Variants in CD8A observed in about 807,000 individuals in gnomAD.
CD8A encodes the protein T-cell surface glycoprotein CD8 alpha chain.
CD8A carries 25 observed loss-of-function variants against 24.2 expected under a neutral mutation model. That is an observed-to-expected ratio of 1.03 (90% CI 0.75 to 1.44). The LOEUF is 1.44. CD8A is among the 40% of genes most tolerant of loss of function. The pLI, the probability that CD8A is intolerant of heterozygous loss-of-function variation, is 0.00. For missense variants in CD8A, 360 were observed against 319.7 expected (o/e 1.13, Z -0.96); for synonymous variants, 165 against 149.9 (o/e 1.10, Z -0.74).
At chr2:86,786,033 G>C (rs1672985648) in intron 5 of CD8A, 62 bp from the exon 6 acceptor site, 3 of 1,269,174 alleles carry the variant, frequency 2.4e-6, no homozygotes, top group African/African-American at 1.5e-5. Context: ...CATCCATCCA[G>C]CCACGTCCAG....
intron 1 of CD8A, 41 bp from the exon 2 acceptor site, chr2:86,790,722 G>GCCCCCCT (rs1336688872): frequency 9.4e-6 from 14 of 1,487,868 alleles, no homozygotes; most frequent in Non-Finnish European, 1.2e-5. Context: ...GCAGTCCCGC[G>GCCCCCCT]CCCCCCGCCC....
At chr2:86,801,926 G>A (rs896033239) in intron 2 of CD8A, among the ~76,000 whole-genome samples, 1 of 152,170 alleles carries the variant, frequency 6.6e-6, no homozygotes, top group Non-Finnish European at 1.5e-5. Flanking sequence ...CCAAAATTAT[G>A]TTTTAAAAAG....
In CD8A at chr2:86,790,720, GCGCCCCC is replaced by G. The variant is rs747917576; in HGVS notation, c.50-46_50-40del. 41 of 1,516,656 alleles carry G rather than the reference GCGCCCCC, an allele frequency of 2.7e-5. 1 individual carries two copies. Among genetic ancestry groups the G allele is most frequent in the South Asian group, 1.7e-4 (14 of 84,240 alleles). The allele number at this position is 1,516,656 out of a possible 1,614,324, so 93.9% of individuals were successfully genotyped here. ...GCAGCGAGGCTGAGCCCGCAGTCCC[GCGCCCCC>G]CGCCCCCCGCCCGCCCCATCCCCTG... On this transcript the variant is annotated intron_variant, in intron 1 of 5. Coordinates refer to ENST00000283635, the MANE Select transcript of CD8A (RefSeq NM_001768.7).
chr2:86,793,811 T>C (rs2104447723), upstream of CD8A, among the ~76,000 whole-genome samples: 1 of 152,286 alleles, frequency 6.6e-6, no homozygotes, highest in South Asian at 2.1e-4. Flanking sequence ...CATCTTAGTC[T>C]CACGGAAATC....
chr2:86,793,878 G>A (rs4366909), upstream of CD8A, among the ~76,000 whole-genome samples: 18,762 of 152,232 alleles, frequency 0.12, 1,319 homozygotes, highest in Non-Finnish European at 0.17. Context: ...TGGGGTGGCA[G>A]CCCCTTTGTA....
intron 3 of CD8A, among the ~76,000 whole-genome samples, chr2:86,798,787 G>A (rs1673566839): frequency 6.6e-6 from 1 of 152,082 alleles, no homozygotes; most frequent in Non-Finnish European, 1.5e-5. Flanking sequence ...CTTCCAAAGT[G>A]CTGGGATTAC....
intron 4 of CD8A, among the ~76,000 whole-genome samples, 170 bp downstream of exon 4, chr2:86,789,153 G>A (rs1673153118): frequency 6.6e-6 from 1 of 152,162 alleles, no homozygotes; most frequent in East Asian, 1.9e-4. Flanking sequence ...AGCGGGAAGG[G>A]CTTTCTCGCA....
At position 86,789,628 on chromosome 2, in the gene CD8A, C is replaced by T. The variant is rs954387048; in HGVS notation, c.514+12G>A. Reference sequence around the variant, plus strand: ...GCGTGCCGCCCCCGCCCCGGGCCCCCGCACGCCTCACCTGCGCCCCCCGCC... The same window carrying T: ...GCGTGCCGCCCCCGCCCCGGGCCCCTGCACGCCTCACCTGCGCCCCCCGCC... On this transcript the variant is annotated intron_variant, in intron 3 of 5. Coordinates refer to ENST00000283635, the MANE Select transcript of CD8A (RefSeq NM_001768.7). 120 of 1,493,544 alleles carry T rather than the reference C, an allele frequency of 8.0e-5. No individual in the cohort carries two copies. Among genetic ancestry groups the T allele is most frequent in the Non-Finnish European group, 1.0e-4 (112 of 1,121,302 alleles). 92.5% of individuals were successfully genotyped at this position (1,493,544 alleles called of 1,614,324 possible).
intron 3 of CD8A, among the ~76,000 whole-genome samples, chr2:86,796,047 G>T (rs1271104092): frequency 6.6e-6 from 1 of 152,178 alleles, no homozygotes; most frequent in Non-Finnish European, 1.5e-5. Context: ...AACAGTTGAA[G>T]ATGATAAATA....
Position 86,785,267 on chromosome 2 carries a change from G to C in CD8A, c.*653C>G, listed in dbSNP as rs1373399125. 1 of 448,102 alleles carries C rather than the reference G, an allele frequency of 2.2e-6. No individual in the cohort carries two copies. The highest frequency in any genetic ancestry group is 2.1e-5 in the African/African-American group (1 of 47,632). 27.8% of individuals were successfully genotyped at this position (448,102 alleles called of 1,614,324 possible). The stretch of plus-strand genomic sequence containing the variant: ...TTATTTTAGGTCTATACAATTTTAG[G>C]CTTGATTATAAAAAAAAAAAGTCTG... On this transcript the variant is annotated 3_prime_UTR_variant, in exon 6 of 6. Transcript: ENST00000283635.
intron 2 of CD8A, among the ~76,000 whole-genome samples, chr2:86,805,884 G>T (rs1673833050): frequency 6.6e-6 from 1 of 151,928 alleles, no homozygotes; most frequent in African/African-American, 2.4e-5. Flanking sequence ...AAATAAAGGG[G>T]AAAAATACAC....
At chr2:86,795,496 C>T (rs770720593), upstream of CD8A, among the ~76,000 whole-genome samples, 26 of 152,266 alleles carry the variant, frequency 1.7e-4, no homozygotes, top group Admixed American at 3.3e-4. Context: ...CAGATGTACT[C>T]AAAAGCAAGA....
In CD8A at chr2:86,790,676, C is replaced by A. The variant is rs1161733294; in HGVS notation, c.55G>T (p.Ala19Ser). ...LLPLALLLHA[A>S]RPSQFRVSPL... ...GACACCCGGAACTGGCTCGGCCTGG[C>A]GGCGTCTGCAGGCGGCAAGCAGCGA... The change falls in exon 2 of 6, where the codon GCC (alanine) becomes TCC (serine). Residue 19 changes from alanine to serine, a missense_variant. By Grantham distance (99) the Ala-to-Ser change is moderately conservative. Transcript: ENST00000283635. 12 of 1,596,766 alleles carry A rather than the reference C, an allele frequency of 7.5e-6. No homozygotes were observed. In the Admixed American group the frequency reaches 2.0e-4, roughly 27 times the overall value.
Position 86,785,867 on chromosome 2 carries a change from C to G in CD8A, c.*53G>C. On this transcript the variant is annotated 3_prime_UTR_variant, in exon 6 of 6. Transcript: ENST00000283635. ...AAAAAATGAAAGGGAAGGACTTGCT[C>G]CCTCAAAAGGAAGGATCTCAGTTTG... is the stretch of plus-strand genomic sequence containing the variant. 1.6e-6 allele frequency: 2 copies of G among 1,281,948 alleles called. No individual in the cohort carries two copies. The highest frequency in any genetic ancestry group is 2.3e-6 in the Non-Finnish European group (2 of 876,340). The allele number at this position is 1,281,948 out of a possible 1,614,324, so 79.4% of individuals were successfully genotyped here.
chr2:86,794,409 G>C (rs1673410817), upstream of CD8A, among the ~76,000 whole-genome samples: 1 of 152,172 alleles, frequency 6.6e-6, no homozygotes, highest in Admixed American at 6.5e-5. Flanking sequence ...TGGAATCATG[G>C]CTGGGAAATT....
chr2:86,789,941 C>T (rs1273548670), intron 2 of CD8A, among the ~76,000 whole-genome samples, 191 bp from the exon 3 acceptor site: 2 of 151,940 alleles, frequency 1.3e-5, no homozygotes, highest in African/African-American at 2.4e-5. Flanking sequence ...CTCAGCCCAG[C>T]GCACCCGGCG....
At chr2:86,805,542 C>T (rs975099742) in intron 2 of CD8A, among the ~76,000 whole-genome samples, 6 of 152,142 alleles carry the variant, frequency 3.9e-5, no homozygotes, top group African/African-American at 1.4e-4. Flanking sequence ...GATGGTATCT[C>T]GTTGTTTAAA....
At chr2:86,786,944 C>T (rs1383798799) in intron 5 of CD8A, among the ~76,000 whole-genome samples, 3 of 120,434 alleles carry the variant, frequency 2.5e-5, no homozygotes, top group East Asian at 3.0e-4. Flanking sequence ...GGCGTGAACC[C>T]GGGAGGCGGA....
At chr2:86,799,841 C>T (rs983573680) in intron 3 of CD8A, among the ~76,000 whole-genome samples, 23 of 152,088 alleles carry the variant, frequency 1.5e-4, no homozygotes, top group African/African-American at 4.8e-5. Context: ...CATCCCTCTA[C>T]TCAGCTCTCT....
Sources: gnomAD v4.1 joint callset for allele counts (sites outside exome capture counted in the v4.1 genomes callset) on GRCh38, gnomAD v4.1.1 for gene constraint, MANE v1.5 for transcripts, NCBI Gene and HGNC (gene_info 2026-07-23, HGNC 2026-07-21) for gene names.